GRIA1: variants seen among roughly 807,000 people sequenced by gnomAD.
GRIA1 encodes the protein glutamate receptor 1.
Under a neutral mutation model 99.2 loss-of-function variants are expected in GRIA1, and 31 were observed. The ratio of observed to expected loss-of-function variants is 0.31; its 90% CI spans 0.23 to 0.42. The LOEUF is 0.42. GRIA1 is among the 10% of genes least tolerant of loss of function. The pLI is 1.00. For synonymous variants in GRIA1, 438 were observed against 432.4 expected, an observed-to-expected ratio of 1.01 and a Z score of -0.16; for missense variants, 782 against 1,157.5, an observed-to-expected ratio of 0.68 and a Z score of 4.71.
intron 10 of GRIA1, among the ~76,000 whole-genome samples, chr5:153,704,098 A>T (rs995243515): frequency 6.6e-6 from 1 of 152,242 alleles, no homozygotes; most frequent in African/African-American, 2.4e-5. Flanking sequence ...CTACAAGTGA[A>T]AACTTAATTC....
intron 15 of GRIA1, among the ~76,000 whole-genome samples, chr5:153,805,814 A>G (rs1041426748): frequency 1.3e-5 from 2 of 152,162 alleles, no homozygotes; most frequent in Non-Finnish European, 2.9e-5. Context: ...AAGATGTTAA[A>G]TTTTTCAGAA....
intron 11 of GRIA1, among the ~76,000 whole-genome samples, chr5:153,743,231 A>G (rs925439695): frequency 3.2e-4 from 49 of 152,218 alleles, no homozygotes; most frequent in Non-Finnish European, 1.5e-5. Flanking sequence ...GGAGTATTGT[A>G]TAATGATTGT....
intron 11 of GRIA1, among the ~76,000 whole-genome samples, chr5:153,740,046 A>G (rs1761669185): frequency 6.6e-6 from 1 of 152,262 alleles, no homozygotes; most frequent in Non-Finnish European, 1.5e-5. Flanking sequence ...GGCAAAGCAC[A>G]TGCAAATCCC....
chr5:153,643,246 G>A (rs76855501), intron 2 of GRIA1, among the ~76,000 whole-genome samples: 6,093 of 152,236 alleles, frequency 0.04, 137 homozygotes, highest in Middle Eastern at 0.085. Flanking sequence ...GTCTGAAAGG[G>A]CATTAAGCAT....
In GRIA1 at chr5:153,813,326, G is replaced by A. The variant is rs930536709; in HGVS notation, c.*2101G>A. ...GGGAGTCTGCATCTTGGAAGAGTTG[G>A]AAATAACCCTTTAACATCAACATGC... On this transcript the variant is annotated 3_prime_UTR_variant, in exon 16 of 16. Coordinates refer to ENST00000285900, the MANE Select transcript of GRIA1 (RefSeq NM_000827.4). 6.6e-6 allele frequency: 1 copy of A among 152,170 alleles called. No individual in the cohort carries two copies. The highest frequency in any genetic ancestry group is 1.5e-5 in the Non-Finnish European group (1 of 68,042). The allele number at this position is 152,170 out of a possible 1,614,324, so 9.4% of individuals were successfully genotyped here.
At chr5:153,495,092 A>C (rs1754281758) in intron 2 of GRIA1, among the ~76,000 whole-genome samples, 1 of 152,252 alleles carries the variant, frequency 6.6e-6, no homozygotes, top group Non-Finnish European at 1.5e-5. Context: ...ATGAGAAGTC[A>C]GAATTCTTTC....
intron 13 of GRIA1, among the ~76,000 whole-genome samples, chr5:153,770,986 G>A (rs1202320976): frequency 6.6e-6 from 1 of 152,174 alleles, no homozygotes; most frequent in Non-Finnish European, 1.5e-5. Context: ...AGACAGTTTG[G>A]TAAAGAAGCA....
chr5:153,767,246 CG>C (rs1763579417), intron 12 of GRIA1, among the ~76,000 whole-genome samples: 1 of 152,176 alleles, frequency 6.6e-6, no homozygotes. Context: ...ATAATCTCCA[CG>C]GCAACACTGT....
At chr5:153,675,480 G>A (rs953735501) in intron 6 of GRIA1, among the ~76,000 whole-genome samples, 7 of 152,188 alleles carry the variant, frequency 4.6e-5, no homozygotes, top group Non-Finnish European at 8.8e-5. Flanking sequence ...AATAAGGATA[G>A]CGAATGATTC....
chr5:153,684,447 A>C (rs1186156630), intron 7 of GRIA1, among the ~76,000 whole-genome samples: 1 of 152,224 alleles, frequency 6.6e-6, no homozygotes, highest in Non-Finnish European at 1.5e-5. Context: ...TAGAGAGATT[A>C]TGTACTCTGC....
At chr5:153,623,044 G>A (rs1251178397) in intron 2 of GRIA1, among the ~76,000 whole-genome samples, 2 of 152,198 alleles carry the variant, frequency 1.3e-5, no homozygotes, top group African/African-American at 2.4e-5. Flanking sequence ...AGATCACACA[G>A]CAAGTAAGTG....
intron 11 of GRIA1, among the ~76,000 whole-genome samples, chr5:153,723,324 C>T (rs868852478): frequency 5.9e-5 from 9 of 152,270 alleles, no homozygotes; most frequent in East Asian, 1.9e-4. Context: ...ACAGAGAAGA[C>T]GGGTGATTTC....
At chr5:153,702,860 A>G (rs1189370799) in intron 10 of GRIA1, among the ~76,000 whole-genome samples, 2 of 152,218 alleles carry the variant, frequency 1.3e-5, no homozygotes, top group African/African-American at 2.4e-5. Context: ...CTTGACCCTC[A>G]CAAAACAAGC....
rs13166863 is a variant in GRIA1, at chr5:153,581,100, C to G, written c.221-65828C>G. 7.2e-4 allele frequency among the ~76,000 whole-genome samples: 109 copies of G among 152,364 alleles called. 1 individual carries two copies. Among genetic ancestry groups the G allele is most frequent in the Non-Finnish European group, 1.2e-3 (81 of 68,032 alleles). The stretch of plus-strand genomic sequence containing the variant: ...TCTGGCATGCGGACGGCTTCCTACT[C>G]TCCCGTTTTTGCCCTCCCTGCACAT... On this transcript the variant is annotated intron_variant, in intron 2 of 15. Transcript: ENST00000285900.
chr5:153,776,655 A>G (rs554715062), intron 13 of GRIA1, among the ~76,000 whole-genome samples: 1 of 152,294 alleles, frequency 6.6e-6, no homozygotes, highest in South Asian at 2.1e-4. Context: ...CCCATTGAGT[A>G]TATTTTTTTC....
intron 11 of GRIA1, among the ~76,000 whole-genome samples, chr5:153,743,273 G>A (rs187444474): frequency 2.0e-5 from 3 of 152,268 alleles, no homozygotes; most frequent in Admixed American, 1.3e-4. Flanking sequence ...CCATTGCTGT[G>A]TAATGAATAA....
At chr5:153,555,412 A>AT (rs1454404613) in intron 2 of GRIA1, among the ~76,000 whole-genome samples, 8 of 152,272 alleles carry the variant, frequency 5.3e-5, no homozygotes, top group African/African-American at 1.9e-4. Flanking sequence ...AATTTGTACC[A>AT]TAAAAACAAT....
intron 11 of GRIA1, among the ~76,000 whole-genome samples, chr5:153,731,252 ATC>A (rs1760999996): frequency 7.1e-6 from 1 of 141,400 alleles, no homozygotes; most frequent in East Asian, 2.1e-4. Flanking sequence ...CTCCATCTTC[ATC>A]TCTTTCTCCT....
intron 2 of GRIA1, among the ~76,000 whole-genome samples, chr5:153,555,527 C>T (rs1760555403): frequency 6.6e-6 from 1 of 152,130 alleles, no homozygotes; most frequent in African/African-American, 2.4e-5. Context: ...GTTACATAAC[C>T]ACTTCTCCTG....
Sources: gnomAD v4.1 joint callset for allele counts (sites outside exome capture counted in the v4.1 genomes callset) on GRCh38, gnomAD v4.1.1 for gene constraint, MANE v1.5 for transcripts, NCBI Gene and HGNC (gene_info 2026-07-23, HGNC 2026-07-21) for gene names.